The following BBOF1 variants were observed in gnomAD, a reference collection of about 807,000 sequenced individuals.
BBOF1 encodes the protein basal body orientation factor 1.
Under a neutral mutation model 68.0 loss-of-function variants are expected in BBOF1, and 62 were observed. The ratio of observed to expected loss-of-function variants is 0.91; its 90% confidence interval spans 0.74 to 1.13. The LOEUF (loss-of-function observed/expected upper bound fraction) is 1.13, where lower values mean the gene tolerates loss of function less well. Among genes scored for constraint, BBOF1 ranks in the 50% most tolerant of loss-of-function variants. BBOF1 has a pLI of 0.00. For synonymous variants in BBOF1, 208 were observed against 198.8 expected, an observed-to-expected ratio of 1.05 and a Z score of -0.39; for missense variants, 534 against 600.1, an observed-to-expected ratio of 0.89 and a Z score of 1.15.
chr14:74,064,704 C>T lies in BBOF1; in HGVS notation c.*5C>T. On this transcript the variant is annotated 3_prime_UTR_variant, in exon 12 of 12. Coordinates refer to ENST00000394009, the MANE Select transcript of BBOF1 (RefSeq NM_025057.3). ...CTTTTTTAGGGAACCTTCTGAGAAGCACTGATTATGACCTCACAGATGCTG... is the reference window on the plus strand; with the variant it reads ...CTTTTTTAGGGAACCTTCTGAGAAGTACTGATTATGACCTCACAGATGCTG... 2 of 1,613,986 alleles carry T rather than the reference C, an allele frequency of 1.2e-6. No homozygotes were observed. Among genetic ancestry groups the T allele is most frequent in the Non-Finnish European group, 1.7e-6 (2 of 1,179,888 alleles).
intron 5 of BBOF1, among the ~76,000 whole-genome samples, chr14:74,045,601 G>A (rs115885992): frequency 2.1e-4 from 32 of 152,160 alleles, no homozygotes; most frequent in African/African-American, 6.8e-4. Context: ...GAGCCACCGC[G>A]CCCGGACAAT....
At chr14:74,028,969 A>C (rs1025425167) in intron 2 of BBOF1, among the ~76,000 whole-genome samples, 1 of 148,676 alleles carries the variant, frequency 6.7e-6, no homozygotes, top group African/African-American at 2.5e-5. Context: ...CACACACACA[A>C]AAGTTGACCA....
chr14:74,068,916 C>CTGCCTTGT (rs752848521), downstream of BBOF1: 1 of 1,614,050 alleles, frequency 6.2e-7, no homozygotes, highest in Non-Finnish European at 8.5e-7. Context: ...ATATACTCTC[C>CTGCCTTGT]TGCCTTGTTG....
At chr14:74,068,626 C>G (rs1466893045), downstream of BBOF1, among the ~76,000 whole-genome samples, 1 of 151,914 alleles carries the variant, frequency 6.6e-6, no homozygotes, top group Non-Finnish European at 1.5e-5. Flanking sequence ...GCTTGTATTC[C>G]CAGCTACTCG....
At chr14:74,041,056 G>T (rs2240625) in intron 5 of BBOF1, among the ~76,000 whole-genome samples, 25,236 of 152,122 alleles carry the variant, frequency 0.17, 2,603 homozygotes, top group East Asian at 0.57. Context: ...GGTGGCTCAC[G>T]CCTGTAATCC....
At chr14:74,054,390 T>TG in intron 8 of BBOF1, among the ~76,000 whole-genome samples, 1 of 151,786 alleles carries the variant, frequency 6.6e-6, no homozygotes, top group African/African-American at 2.4e-5. Context: ...TTGTTGTTTT[T>TG]TTTTTTGAGT....
Position 74,049,718 on chromosome 14 carries a change from T to C in BBOF1, c.809T>C (p.Leu270Ser), listed in dbSNP as rs1317961126. Residue 270 changes from leucine (L) to serine (S), a missense_variant, in exon 8 of 12, where the codon TTG (leucine) becomes TCG (serine). Transcript: ENST00000394009. ...LLHQKEINDLLVKEKIMQLVQ... is the reference protein window; with the variant it reads ...LLHQKEINDLSVKEKIMQLVQ... The stretch of plus-strand genomic sequence containing the variant: ...TGTTTTTAGGAGATCAATGATCTGT[T>C]GGTTAAGGAAAAGATTATGCAACTT... 1 of 1,603,098 alleles carries C rather than the reference T, an allele frequency of 6.2e-7. No individual in the cohort carries two copies. The highest frequency in any genetic ancestry group is 8.5e-7 in the Non-Finnish European group (1 of 1,175,844).
downstream of BBOF1, among the ~76,000 whole-genome samples, chr14:74,070,232 C>T (rs780145108): frequency 6.6e-6 from 1 of 151,978 alleles, no homozygotes; most frequent in African/African-American, 2.4e-5. Context: ...TTAAGAATAA[C>T]AATAGGCAAG....
chr14:74,052,141 T>C (rs1186343867), intron 8 of BBOF1, among the ~76,000 whole-genome samples: 4 of 151,824 alleles, frequency 2.6e-5, no homozygotes, highest in African/African-American at 7.3e-5. Flanking sequence ...CCCTACCATA[T>C]ATAAGGCAGT....
intron 9 of BBOF1, 85 bp from the exon 10 acceptor site, chr14:74,056,816 TAAAAA>T (rs373275578): frequency 4.7e-6 from 4 of 856,706 alleles, no homozygotes; most frequent in Non-Finnish European, 7.3e-6. Flanking sequence ...AAATAAAAAA[TAAAAA>T]AAAATTAAAA....
chr14:74,069,095 C>CTTTTTATTT, downstream of BBOF1: 1 of 633,206 alleles, frequency 1.6e-6, no homozygotes, highest in Non-Finnish European at 2.4e-6. Context: ...TTTTCTTTTA[C>CTTTTTATTT]TTTTTCTTTT....
intron 3 of BBOF1, among the ~76,000 whole-genome samples, chr14:74,032,593 A>G (rs913443049): frequency 2.0e-5 from 3 of 150,418 alleles, no homozygotes; most frequent in African/African-American, 7.3e-5. Context: ...TCCCAGGTTC[A>G]ATTGATTCTC....
intron 3 of BBOF1, among the ~76,000 whole-genome samples, chr14:74,030,783 C>A (rs1000781865): frequency 2.6e-5 from 4 of 152,002 alleles, no homozygotes; most frequent in Admixed American, 1.3e-4. Context: ...CAACTCCTAT[C>A]CATGTCTTTT....
chr14:74,066,639 G>C, downstream of BBOF1: 2 of 1,410,420 alleles, frequency 1.4e-6, no homozygotes, highest in Non-Finnish European at 2.0e-6. Context: ...ATAAATTAGA[G>C]GGATGAGATT....
downstream of BBOF1, chr14:74,067,307 G>T: frequency 6.5e-7 from 1 of 1,546,212 alleles, no homozygotes; most frequent in Non-Finnish European, 8.9e-7. Context: ...CACTGGCCAA[G>T]GCCAGTGACA....
At chr14:74,067,646 G>C (rs761783166), downstream of BBOF1, 31 of 1,494,066 alleles carry the variant, frequency 2.1e-5, no homozygotes, top group Admixed American at 3.4e-5. Context: ...CAGTGGACCA[G>C]GTGTGGTGGC....
intron 5 of BBOF1, among the ~76,000 whole-genome samples, chr14:74,044,817 C>T (rs1264305548): frequency 1.3e-5 from 2 of 152,080 alleles, no homozygotes; most frequent in Non-Finnish European, 2.9e-5. Context: ...CCCAGGTACT[C>T]GAGAGGCTGA....
chr14:74,048,899 G>T (rs1391631721), intron 7 of BBOF1, among the ~76,000 whole-genome samples: 1 of 152,096 alleles, frequency 6.6e-6, no homozygotes, highest in African/African-American at 2.4e-5. Context: ...GAGAAAGACG[G>T]AGTCTCACTC....
chr14:74,065,326 C>T lies in BBOF1; in HGVS notation c.*627C>T. On this transcript the variant is annotated 3_prime_UTR_variant, in exon 12 of 12. Transcript: ENST00000394009. ...TGTCTCCAGAACCACAAGAACTGGA[C>T]CAAAAATCTCCTCTTTGTAACAGGT... The T allele has an allele frequency of 6.2e-7, 1 of 1,614,048 alleles. No homozygotes were observed.
Sources: allele counts gnomAD v4.1 joint callset (sites outside exome capture counted in the v4.1 genomes callset), GRCh38; gene constraint gnomAD v4.1.1; transcripts MANE v1.5; gene names NCBI Gene and HGNC (gene_info 2026-07-23, HGNC 2026-07-21).